Variants in APH1B observed in about 807,000 individuals in gnomAD.
The protein encoded by APH1B is gamma-secretase subunit APH-1B.
A neutral mutation model predicts 28.2 loss-of-function variants in APH1B; 27 were observed. The observed-to-expected ratio is 0.96, with a 90% CI of 0.70 to 1.32. APH1B has a LOEUF of 1.32. APH1B is among the 40% of genes most tolerant of loss of function. The probability of loss-of-function intolerance (pLI) is 0.00; values close to 1 mark genes in which losing one functional copy is unlikely to be tolerated. For synonymous variants in APH1B, 141 were observed against 124.6 expected (o/e 1.13, Z -0.88); for missense variants, 305 against 313.6 (o/e 0.97, Z 0.21).
At position 63,277,653 on chromosome 15, in the gene APH1B, CT is replaced by C; in HGVS notation, c.32del (p.Phe11SerfsTer37). MTAAVFFGCA[F>X]IAFGPALALY... ...CTGCGGCCGTGTTCTTCGGCTGCGC[CT>C]TCATTGCCTTCGGGCCTGCGCTCGC... On this transcript the variant is annotated frameshift_variant, in exon 1 of 6. Coordinates refer to ENST00000261879, the MANE Select transcript of APH1B (RefSeq NM_031301.4). LOFTEE classifies it high-confidence loss of function. The C allele has an allele frequency of 6.2e-7, 1 of 1,603,958 alleles. No homozygotes were observed. The highest frequency in any genetic ancestry group is 8.5e-7 in the Non-Finnish European group (1 of 1,175,538).
intron 4 of APH1B, among the ~76,000 whole-genome samples, chr15:63,296,446 G>A (rs1244161370): frequency 6.6e-6 from 1 of 152,196 alleles, no homozygotes; most frequent in Non-Finnish European, 1.5e-5. Flanking sequence ...CGTGTTAGGG[G>A]AAGCTAGGTG....
At chr15:63,277,772 G>C in intron 1 of APH1B, 36 bp downstream of exon 1, 1 of 1,585,864 alleles carries the variant, frequency 6.3e-7, no homozygotes, top group Non-Finnish European at 8.6e-7. Flanking sequence ...GGACGCCGGG[G>C]CTCCCCTCCC....
chr15:63,280,432 G>C (rs1345410469), intron 2 of APH1B, among the ~76,000 whole-genome samples: 1 of 152,138 alleles, frequency 6.6e-6, no homozygotes, highest in East Asian at 1.9e-4. Context: ...AGTAATTAAG[G>C]CTGTCCATGA....
In APH1B at chr15:63,308,352, A is replaced by C. The variant is rs1333433235; in HGVS notation, c.*2571A>C. 1 of 152,154 alleles carries C rather than the reference A, an allele frequency of 6.6e-6. No homozygotes were observed. The highest frequency in any genetic ancestry group is 3.2e-3 in the Middle Eastern group (1 of 316). 9.4% of individuals were successfully genotyped at this position (152,154 alleles called of 1,614,324 possible). On this transcript the variant is annotated 3_prime_UTR_variant, in exon 6 of 6. Coordinates refer to ENST00000261879, the MANE Select transcript of APH1B (RefSeq NM_031301.4). ...TTTGAATTACTAGTTATAACTGGAG[A>C]AATTTTGTTACCTCTATCCTGGCTT... is the stretch of plus-strand genomic sequence containing the variant.
intron 4 of APH1B, among the ~76,000 whole-genome samples, chr15:63,293,289 C>G (rs949207734): frequency 2.7e-5 from 4 of 149,630 alleles, no homozygotes; most frequent in African/African-American, 9.9e-5. Flanking sequence ...CTCACCCTCC[C>G]CAGTAGCTGG....
chr15:63,305,681 C>T lies in APH1B; in HGVS notation c.674C>T (p.Thr225Ile), dbSNP rs769408726. The change falls in exon 6 of 6, where the codon ACC (threonine) becomes ATC (isoleucine). Residue 225 changes from threonine (T) to isoleucine (I), a missense_variant. By Grantham distance (89) the Thr-to-Ile change is moderately conservative (BLOSUM62 -1). Transcript: ENST00000261879. ...TTTATAATCCTGGTGCTCATGGGCA[C>T]CTGGGCATTCTTAGCTGCGGGAGGC... is the stretch of plus-strand genomic sequence containing the variant. ...SAFIILVLMGTWAFLAAGGSC... is the reference protein window; with the variant it reads ...SAFIILVLMGIWAFLAAGGSC... 6.2e-7 allele frequency: 1 copy of T among 1,614,188 alleles called. No individual in the cohort carries two copies. The highest frequency in any genetic ancestry group is 1.1e-5 in the South Asian group (1 of 91,086).
chr15:63,286,389 A>G (rs1041418492), intron 2 of APH1B, among the ~76,000 whole-genome samples, 169 bp from the exon 3 acceptor site: 1 of 152,200 alleles, frequency 6.6e-6, no homozygotes, highest in African/African-American at 2.4e-5. Flanking sequence ...ATGTTAGTTC[A>G]TTGAAAATTT....
chr15:63,287,342 C>T (rs1263545899), intron 3 of APH1B, 82 bp from the exon 4 acceptor site: 10 of 1,560,188 alleles, frequency 6.4e-6, no homozygotes, highest in South Asian at 1.2e-5. Flanking sequence ...CCCTCCAACA[C>T]ACTTTGTATT....
rs187851156 is a variant in APH1B, at chr15:63,287,647, T to C, written c.478+101T>C. ...AATTTCAGTGGATTGGAATTTATGT[T>C]ATGTCTTTTAAAGGCGAAATACTCT... is the stretch of plus-strand genomic sequence containing the variant. On this transcript the variant is annotated intron_variant, in intron 4 of 5. Transcript: ENST00000261879. The C allele has an allele frequency of 2.3e-4, 332 of 1,452,050 alleles. 1 individual carries two copies. In the African/African-American group the frequency reaches 4.4e-3, roughly 19 times the overall value. The allele number at this position is 1,452,050 out of a possible 1,614,324, so 89.9% of individuals were successfully genotyped here. A position where few individuals can be genotyped will look rare whatever the true frequency, so the allele number is the denominator to read the frequency against.
At chr15:63,286,657 G>A (rs1339149109) in intron 3 of APH1B, 29 bp downstream of exon 3, 1 of 1,561,788 alleles carries the variant, frequency 6.4e-7, no homozygotes, top group South Asian at 1.2e-5. Flanking sequence ...GTTTCATTAA[G>A]GAAAAAAATC....
At chr15:63,290,394 T>C (rs1338839461) in intron 4 of APH1B, among the ~76,000 whole-genome samples, 1 of 152,252 alleles carries the variant, frequency 6.6e-6, no homozygotes, top group Non-Finnish European at 1.5e-5. Flanking sequence ...AATCTTATCC[T>C]GGCTCATTAA....
At chr15:63,282,302 G>A (rs112141200) in intron 2 of APH1B, among the ~76,000 whole-genome samples, 1 of 152,124 alleles carries the variant, frequency 6.6e-6, no homozygotes, top group Non-Finnish European at 1.5e-5. Context: ...TCAGAATTTG[G>A]TGCCAAGATT....
In APH1B at chr15:63,307,514, A is replaced by C. The variant is rs1391225518; in HGVS notation, c.*1733A>C. 1 of 152,174 alleles carries C rather than the reference A, an allele frequency of 6.6e-6. No homozygotes were observed. The highest frequency in any genetic ancestry group is 1.5e-5 in the Non-Finnish European group (1 of 68,034). 9.4% of individuals were successfully genotyped at this position (152,174 alleles called of 1,614,324 possible). ...CTGGAGTTTGCAGTTTTCCAGCTTT[A>C]TACAGGATTTTCCTTTGACTGGAAG... On this transcript the variant is annotated 3_prime_UTR_variant, in exon 6 of 6. Coordinates refer to ENST00000261879, the MANE Select transcript of APH1B (RefSeq NM_031301.4).
intron 1 of APH1B, chr15:63,277,995 TA>T (rs916488002): frequency 2.9e-5 from 15 of 523,136 alleles, no homozygotes; most frequent in African/African-American, 1.3e-4. Context: ...TAAAGTTGTA[TA>T]AAAAAATTAT....
chr15:63,298,394 A>G (rs1270443520), intron 4 of APH1B, among the ~76,000 whole-genome samples: 1 of 152,070 alleles, frequency 6.6e-6, no homozygotes, highest in Non-Finnish European at 1.5e-5. Flanking sequence ...TATTTGTTGT[A>G]GAGACAGGGT....
chr15:63,281,658 C>T (rs1429278461), intron 2 of APH1B, among the ~76,000 whole-genome samples: 3 of 152,020 alleles, frequency 2.0e-5, no homozygotes, highest in African/African-American at 4.8e-5. Flanking sequence ...TCTTCACTGC[C>T]TTGCATCTTC....
At chr15:63,284,560 T>A (rs895190947) in intron 2 of APH1B, among the ~76,000 whole-genome samples, 7 of 111,242 alleles carry the variant, frequency 6.3e-5, no homozygotes, top group African/African-American at 2.5e-4. Context: ...TAGGTTTGTT[T>A]ACACCAACAT....
intron 4 of APH1B, among the ~76,000 whole-genome samples, chr15:63,288,445 G>T (rs1258232537): frequency 1.3e-5 from 2 of 152,166 alleles, no homozygotes; most frequent in Non-Finnish European, 2.9e-5. Flanking sequence ...TTCACCATTC[G>T]CAGTAGACCC....
At chr15:63,303,706 T>C (rs999575664) in intron 5 of APH1B, among the ~76,000 whole-genome samples, 1 of 152,132 alleles carries the variant, frequency 6.6e-6, no homozygotes, top group East Asian at 1.9e-4. Flanking sequence ...TTGCTCCGGC[T>C]GGCTTCGAAC....
Sources: gnomAD v4.1 joint callset for allele counts (sites outside exome capture counted in the v4.1 genomes callset) on GRCh38, gnomAD v4.1.1 for gene constraint, MANE v1.5 for transcripts, NCBI Gene and HGNC (gene_info 2026-07-23, HGNC 2026-07-21) for gene names.